The following AGO4 variants were observed in gnomAD, a reference collection of about 807,000 sequenced individuals.
AGO4 encodes protein argonaute-4.
In AGO4, 33 loss-of-function variants were observed where a neutral mutation model predicts 104.7. The observed-to-expected ratio is 0.32, with a 90% CI of 0.24 to 0.42. AGO4 has a LOEUF of 0.42. AGO4 is among the 10% of genes least tolerant of loss of function. The probability of loss-of-function intolerance (pLI) is 1.00; values close to 1 mark genes in which losing one functional copy is unlikely to be tolerated. For missense variants in AGO4, 711 were observed against 1,083.4 expected, an observed-to-expected ratio of 0.66 and a Z score of 4.83; for synonymous variants, 331 against 364.7, an observed-to-expected ratio of 0.91 and a Z score of 1.05.
At chr1:35,847,723 G>C (rs1644605878) in intron 15 of AGO4, among the ~76,000 whole-genome samples, 1 of 151,802 alleles carries the variant, frequency 6.6e-6, no homozygotes, top group South Asian at 2.1e-4. Flanking sequence ...TATTTTTCTA[G>C]GTTGCTTTAG....
chr1:35,853,856 G>A lies in AGO4; in HGVS notation c.*251G>A. On this transcript the variant is annotated 3_prime_UTR_variant, in exon 18 of 18. Coordinates refer to ENST00000373210, the MANE Select transcript of AGO4 (RefSeq NM_017629.4). ...CTGGACTGAATTTTTACCTCAATGT[G>A]CAAAGGCTGATCAGCCTGAACTTTC... The A allele has an allele frequency of 3.0e-6, 1 of 329,250 alleles. No individual in the cohort carries two copies. Among genetic ancestry groups the A allele is most frequent in the Non-Finnish European group, 5.6e-6 (1 of 177,890 alleles). 20.4% of individuals were successfully genotyped at this position (329,250 alleles called of 1,614,324 possible). A position where few individuals can be genotyped will look rare whatever the true frequency, so the allele number is the denominator to read the frequency against.
intron 13 of AGO4, among the ~76,000 whole-genome samples, chr1:35,838,490 A>G (rs1644366685): frequency 6.6e-6 from 1 of 152,214 alleles, no homozygotes; most frequent in Non-Finnish European, 1.5e-5. Flanking sequence ...CCTGGTCAAC[A>G]GTGGCTTTTG....
rs1211662067 is a variant in AGO4, at chr1:35,853,907, T to A, written c.*302T>A. 9.3e-6 allele frequency: 2 copies of A among 215,124 alleles called. No homozygotes were observed. The highest frequency in any genetic ancestry group is 1.9e-5 in the Non-Finnish European group (2 of 107,504). The allele number at this position is 215,124 out of a possible 1,614,324, so 13.3% of individuals were successfully genotyped here. A position where few individuals can be genotyped will look rare whatever the true frequency, so the allele number is the denominator to read the frequency against. On this transcript the variant is annotated 3_prime_UTR_variant, in exon 18 of 18. Coordinates refer to ENST00000373210, the MANE Select transcript of AGO4 (RefSeq NM_017629.4). ...TAAAGGACTTTACAAGAAGGGTTTCTATGGAATATTTTGCTAGCTGTGGTG... is the reference window on the plus strand; with the variant it reads ...TAAAGGACTTTACAAGAAGGGTTTCAATGGAATATTTTGCTAGCTGTGGTG...
At chr1:35,820,826 C>G (rs965160092) in intron 2 of AGO4, among the ~76,000 whole-genome samples, 2 of 152,030 alleles carry the variant, frequency 1.3e-5, no homozygotes, top group African/African-American at 4.8e-5. Flanking sequence ...GGGACAAGCA[C>G]CATTCTAAAT....
chr1:35,819,965 T>G (rs748043359), intron 2 of AGO4, among the ~76,000 whole-genome samples: 1 of 152,106 alleles, frequency 6.6e-6, no homozygotes, highest in African/African-American at 2.4e-5. Flanking sequence ...ATAAGGCTCC[T>G]ACACTGGGTC....
rs145645509 is a variant in AGO4 at position 35,827,502 on chromosome 1, A to G, written c.848+667A>G. On this transcript the variant is annotated intron_variant, in intron 7 of 17. Coordinates refer to ENST00000373210, the MANE Select transcript of AGO4 (RefSeq NM_017629.4). Reference sequence around the variant, plus strand: ...CACCTTGTACTCCAGCCTGGGTGACAGAGTGAAACTCCATCTCAAAAGAAA... The same window carrying G: ...CACCTTGTACTCCAGCCTGGGTGACGGAGTGAAACTCCATCTCAAAAGAAA... Among the ~76,000 whole-genome samples the G allele has an allele frequency of 4.1e-4, 63 of 152,232 alleles. 2 individuals are homozygous for G. In the East Asian group the frequency reaches 0.012, roughly 29 times the overall value.
Position 35,817,088 on chromosome 1 carries a change from A to G in AGO4, c.185+41A>G, listed in dbSNP as rs922937457. On this transcript the variant is annotated intron_variant, in intron 2 of 17. Transcript: ENST00000373210. ...AGTGGATTTCTGTATATTTAAGTGC[A>G]TATAATTTATTTATGTATCATATTG... 4.6e-6 allele frequency: 7 copies of G among 1,523,764 alleles called. No homozygotes were observed. In the African/African-American group the frequency reaches 9.9e-5, roughly 21 times the overall value. The allele number at this position is 1,523,764 out of a possible 1,614,324, so 94.4% of individuals were successfully genotyped here.
rs1015868833 is a variant in AGO4, at chr1:35,855,472, C to T, written c.*1867C>T. ...ATGTGCTGTTGATCAACGGCGCCAC[C>T]TGTGTTTGCTGAGACTGGTCTCTGA... On this transcript the variant is annotated 3_prime_UTR_variant, in exon 18 of 18. Transcript: ENST00000373210. The T allele has an allele frequency of 3.9e-5, 6 of 152,436 alleles. No homozygotes were observed. Among genetic ancestry groups the T allele is most frequent in the African/African-American group, 1.5e-4 (6 of 41,374 alleles). The allele number at this position is 152,436 out of a possible 1,614,324, so 9.4% of individuals were successfully genotyped here. A position where few individuals can be genotyped will look rare whatever the true frequency, so the allele number is the denominator to read the frequency against.
chr1:35,832,224 C>T, intron 10 of AGO4, 39 bp downstream of exon 10: 4 of 1,598,752 alleles, frequency 2.5e-6, no homozygotes, highest in Non-Finnish European at 3.4e-6. Context: ...TCTTCCACAA[C>T]CAGTCAAAAA....
At chr1:35,817,963 T>G (rs1280047365) in intron 2 of AGO4, among the ~76,000 whole-genome samples, 1 of 152,182 alleles carries the variant, frequency 6.6e-6, no homozygotes, top group Admixed American at 6.5e-5. Context: ...GAATTCACCA[T>G]GAACAAAACA....
intron 15 of AGO4, among the ~76,000 whole-genome samples, chr1:35,849,297 A>G (rs778576835): frequency 2.0e-5 from 3 of 152,170 alleles, no homozygotes; most frequent in Non-Finnish European, 4.4e-5. Flanking sequence ...TTGCAAGGCT[A>G]GGCCTAGATC....
In AGO4 at chr1:35,825,473, CA is replaced by C. The variant is rs761956174; in HGVS notation, c.469del (p.Arg157AspfsTer6). 1 of 1,614,126 alleles carries C rather than the reference CA, an allele frequency of 6.2e-7. No homozygotes were observed. The highest frequency in any genetic ancestry group is 1.3e-5 in the African/African-American group (1 of 75,052). ...DDSVQALDVI[T>X]RHLPSMRYTP... ...TCAGTACAAGCACTTGATGTTATCA[CA>C]AGACACCTTCCCTCCATGAGGTTAG... On this transcript the variant is annotated frameshift_variant, in exon 4 of 18. Transcript: ENST00000373210. LOFTEE classifies it high-confidence loss of function.
At chr1:35,816,558 T>G (rs1643702814) in intron 1 of AGO4, among the ~76,000 whole-genome samples, 2 of 151,948 alleles carry the variant, frequency 1.3e-5, no homozygotes, top group South Asian at 4.1e-4. Context: ...CCCAGCACTT[T>G]GGGAGGCTGA....
At chr1:35,821,231 G>T (rs984975427) in intron 2 of AGO4, among the ~76,000 whole-genome samples, 5 of 152,156 alleles carry the variant, frequency 3.3e-5, no homozygotes, top group Admixed American at 6.6e-5. Flanking sequence ...GTATGAAAAC[G>T]TATAGTTCTT....
intron 15 of AGO4, among the ~76,000 whole-genome samples, chr1:35,843,849 C>G (rs747763662): frequency 3.9e-5 from 6 of 152,098 alleles, no homozygotes; most frequent in Non-Finnish European, 8.8e-5. Context: ...ATCTATTAAG[C>G]TATTATTAAG....
At position 35,850,895 on chromosome 1, in the gene AGO4, C is replaced by A; in HGVS notation, c.2319C>A (p.Asp773Glu). The A allele has an allele frequency of 6.2e-7, 1 of 1,612,102 alleles. No individual in the cohort carries two copies. The highest frequency in any genetic ancestry group is 8.5e-7 in the Non-Finnish European group (1 of 1,179,484). The change falls in exon 17 of 18, where the codon GAC becomes GAA. Residue 773 changes from aspartate (D) to glutamate (E), a missense_variant. Asp to Glu is a conservative substitution (Grantham distance 45). Around this residue, in one of 3 missense-constraint regions of AGO4, gnomAD observed 401 missense variants for 665.5 expected, o/e 0.60. Coordinates refer to ENST00000373210, the MANE Select transcript of AGO4 (RefSeq NM_017629.4). ...RPSHYQVLWD[D>E]NCFTADELQL... Reference sequence around the variant, plus strand: ...CACATTACCAGGTCTTGTGGGATGACAACTGCTTCACTGCAGATGAACTCC... The same window carrying A: ...CACATTACCAGGTCTTGTGGGATGAAAACTGCTTCACTGCAGATGAACTCC...
intron 2 of AGO4, among the ~76,000 whole-genome samples, chr1:35,822,365 C>G (rs1362880930): frequency 6.6e-6 from 1 of 152,130 alleles, no homozygotes; most frequent in Non-Finnish European, 1.5e-5. Context: ...AAGCGATTCA[C>G]CTGCCTCAGC....
chr1:35,844,236 G>T (rs986330726), intron 15 of AGO4, among the ~76,000 whole-genome samples: 5 of 152,106 alleles, frequency 3.3e-5, no homozygotes. Flanking sequence ...TAGAGATGGG[G>T]TTTCACCATG....
intron 8 of AGO4, 110 bp from the exon 9 acceptor site, chr1:35,831,702 T>C (rs1571284834): frequency 1.3e-6 from 2 of 1,547,350 alleles, no homozygotes; most frequent in East Asian, 4.5e-5. Context: ...GATTTCACTA[T>C]ATAACCAAAT....
Sources: allele counts gnomAD v4.1 joint callset (sites outside exome capture counted in the v4.1 genomes callset), GRCh38; gene constraint gnomAD v4.1.1; regional missense constraint gnomAD v4.1.1; transcripts MANE v1.5; gene names NCBI Gene and HGNC (gene_info 2026-07-23, HGNC 2026-07-21).